The following PHF14 variants were observed in gnomAD, a reference collection of about 807,000 sequenced individuals.
The protein encoded by PHF14 is PHD finger protein 14.
PHF14 carries 55 observed loss-of-function variants against 117.9 expected under a neutral mutation model. The observed-to-expected ratio is 0.47, with a 90% CI of 0.38 to 0.58. The LOEUF (loss-of-function observed/expected upper bound fraction) is 0.58. Ranked by LOEUF, PHF14 falls within the 20% of genes least tolerant of loss-of-function variation. PHF14 has a pLI of 0.00. For synonymous variants in PHF14, 409 were observed against 368.6 expected, an observed-to-expected ratio of 1.11 and a Z score of -1.26; for missense variants, 978 against 1,122.2, an observed-to-expected ratio of 0.87 and a Z score of 1.84.
intron 16 of PHF14, among the ~76,000 whole-genome samples, chr7:11,097,642 C>T (rs957551128): frequency 1.3e-5 from 2 of 152,132 alleles, no homozygotes; most frequent in African/African-American, 2.4e-5. Flanking sequence ...TTTCCCTTAC[C>T]ACAGTTAATG....
intron 14 of PHF14, among the ~76,000 whole-genome samples, chr7:11,058,024 G>C (rs1449714842): frequency 6.6e-6 from 1 of 152,176 alleles, no homozygotes; most frequent in East Asian, 1.9e-4. Context: ...GGAATTTCCA[G>C]GTAACGTATC....
chr7:10,991,649 A>C (rs565018295), intron 4 of PHF14, among the ~76,000 whole-genome samples: 1 of 152,042 alleles, frequency 6.6e-6, no homozygotes, highest in Non-Finnish European at 1.5e-5. Context: ...TTAAATAATG[A>C]AAATAGAAAT....
At chr7:11,013,075 T>C (rs1024611871) in intron 4 of PHF14, among the ~76,000 whole-genome samples, 3 of 152,184 alleles carry the variant, frequency 2.0e-5, no homozygotes, top group African/African-American at 7.2e-5. Flanking sequence ...TATATTTTAG[T>C]ACCTGCTACA....
At chr7:11,052,741 A>G (rs1215748552) in intron 14 of PHF14, among the ~76,000 whole-genome samples, 1 of 152,146 alleles carries the variant, frequency 6.6e-6, no homozygotes, top group South Asian at 2.1e-4. Flanking sequence ...TATTTTTGGT[A>G]AATTGTATTT....
At chr7:11,028,251 T>G (rs1783992402) in intron 6 of PHF14, among the ~76,000 whole-genome samples, 1 of 152,126 alleles carries the variant, frequency 6.6e-6, no homozygotes, top group Non-Finnish European at 1.5e-5. Flanking sequence ...AATACCCTAC[T>G]GAAAGTGGAA....
chr7:10,987,246 G>A (rs78044349), intron 3 of PHF14, among the ~76,000 whole-genome samples: 2,158 of 152,208 alleles, frequency 0.014, 52 homozygotes, highest in East Asian at 0.11. Flanking sequence ...TTCTAAAAAT[G>A]TAGAGGAAGT....
At chr7:11,092,833 T>G (rs1167837899) in intron 16 of PHF14, among the ~76,000 whole-genome samples, 1 of 152,202 alleles carries the variant, frequency 6.6e-6, no homozygotes, top group African/African-American at 2.4e-5. Flanking sequence ...TATAAAATGT[T>G]GAAGCCAGGT....
At chr7:11,050,738 T>C (rs979550446) in intron 13 of PHF14, among the ~76,000 whole-genome samples, 2 of 152,188 alleles carry the variant, frequency 1.3e-5, no homozygotes, top group Non-Finnish European at 2.9e-5. Flanking sequence ...ATTTTTAATA[T>C]TACCCATATT....
At chr7:11,142,902 C>T (rs900183762) in intron 17 of PHF14, among the ~76,000 whole-genome samples, 3 of 152,122 alleles carry the variant, frequency 2.0e-5, no homozygotes, top group African/African-American at 7.2e-5. Context: ...TACAACCTCT[C>T]AGTTTAAAAA....
chr7:11,133,646 CTT>C (rs1195004646), intron 17 of PHF14, among the ~76,000 whole-genome samples: 1 of 151,828 alleles, frequency 6.6e-6, no homozygotes, highest in Non-Finnish European at 1.5e-5. Flanking sequence ...GCAAGACACT[CTT>C]TTTTCAAAAT....
chr7:11,072,689 T>C (rs1052122021), intron 16 of PHF14, among the ~76,000 whole-genome samples: 21 of 97,040 alleles, frequency 2.2e-4, no homozygotes, highest in African/African-American at 1.2e-3. Flanking sequence ...TCAGTCTGTT[T>C]ACATTGCTAT....
chr7:11,141,739 G>T (rs1788404511), intron 17 of PHF14, among the ~76,000 whole-genome samples: 1 of 151,834 alleles, frequency 6.6e-6, no homozygotes, highest in Non-Finnish European at 1.5e-5. Context: ...CGTGATTATT[G>T]GTATTTTTGG....
At chr7:11,043,278 AT>A (rs1784556381) in intron 13 of PHF14, among the ~76,000 whole-genome samples, 1 of 149,958 alleles carries the variant, frequency 6.7e-6, no homozygotes, top group African/African-American at 2.5e-5. Flanking sequence ...TTTGATAAAC[AT>A]TTCTGATTTT....
At chr7:11,098,715 G>C (rs781073409) in intron 16 of PHF14, among the ~76,000 whole-genome samples, 1 of 152,048 alleles carries the variant, frequency 6.6e-6, no homozygotes, top group Non-Finnish European at 1.5e-5. Flanking sequence ...AGGCTGTCTT[G>C]GACATTTACT....
chr7:11,013,044 A>C (rs573160647), intron 4 of PHF14, among the ~76,000 whole-genome samples: 1 of 152,286 alleles, frequency 6.6e-6, no homozygotes, highest in South Asian at 2.1e-4. Context: ...TTTGTTTTGC[A>C]TGAGTTTGAT....
At chr7:11,102,233 T>G (rs145725292) in intron 16 of PHF14, among the ~76,000 whole-genome samples, 359 of 151,976 alleles carry the variant, frequency 2.4e-3, no homozygotes, top group African/African-American at 8.1e-3. Context: ...ATAGGTTTAT[T>G]TTGACAACCA....
At chr7:11,087,291 A>T (rs1376292026) in intron 16 of PHF14, among the ~76,000 whole-genome samples, 1 of 151,920 alleles carries the variant, frequency 6.6e-6, no homozygotes, top group African/African-American at 2.4e-5. Context: ...TCCTGGGTTC[A>T]AGCGATTTTT....
chr7:11,125,763 C>G (rs1185429632), intron 17 of PHF14, among the ~76,000 whole-genome samples: 2 of 151,970 alleles, frequency 1.3e-5, no homozygotes, highest in Non-Finnish European at 2.9e-5. Flanking sequence ...TATGATAAAT[C>G]TAATCTCTGG....
intron 17 of PHF14, among the ~76,000 whole-genome samples, chr7:11,167,455 A>G (rs180848744): frequency 1.1e-3 from 174 of 152,342 alleles, no homozygotes; most frequent in African/African-American, 4.0e-3. Flanking sequence ...TAATTCAGGC[A>G]TACCTTTTAT....
Sources: allele counts gnomAD v4.1 joint callset (sites outside exome capture counted in the v4.1 genomes callset), GRCh38; gene constraint gnomAD v4.1.1; transcripts MANE v1.5; gene names NCBI Gene and HGNC (gene_info 2026-07-23, HGNC 2026-07-21).